CDKL3: variants seen among roughly 807,000 people sequenced by gnomAD.
CDKL3 encodes the protein cyclin dependent kinase like 3, also known as cyclin-dependent kinase-like 3.
Under a neutral mutation model 69.3 loss-of-function variants are expected in CDKL3, and 65 were observed. The observed-to-expected ratio is 0.94, with a 90% CI of 0.77 to 1.15. CDKL3 has a LOEUF of 1.15. Among genes scored for constraint, CDKL3 ranks in the 50% most tolerant of loss-of-function variants. The pLI is 0.00. For synonymous variants in CDKL3, 202 were observed against 221.6 expected (o/e 0.91, Z 0.79); for missense variants, 652 against 689.2 (o/e 0.95, Z 0.61).
intron 3 of CDKL3, among the ~76,000 whole-genome samples, chr5:134,350,814 TAA>T (rs1486575060): frequency 3.9e-5 from 3 of 76,626 alleles, no homozygotes; most frequent in African/African-American, 1.5e-4. Flanking sequence ...ACCCTGTCTC[TAA>T]AAAAAGAAAA....
intron 4 of CDKL3, among the ~76,000 whole-genome samples, chr5:134,328,082 G>A (rs1561566777): frequency 6.6e-6 from 1 of 152,128 alleles, no homozygotes; most frequent in Non-Finnish European, 1.5e-5. Context: ...TATCTAAAAT[G>A]TTCAAGTTCC....
At position 134,289,148 on chromosome 5, in the gene CDKL3, C is replaced by A. The variant is rs1359722682; in HGVS notation, c.*678-2589G>T. 7.6e-5 allele frequency among the ~76,000 whole-genome samples: 8 copies of A among 104,766 alleles called. No individual in the cohort carries two copies. In the East Asian group the frequency reaches 1.3e-3, roughly 17 times the overall value. The allele number at this position is 104,766 out of a possible 152,430, so 68.7% of individuals were successfully genotyped here. On this transcript the variant is annotated intron_variant and NMD_transcript_variant, in intron 8 of 8. Coordinates refer to the CDKL3 transcript ENST00000519312. Reference sequence around the variant, plus strand: ...CTGTAGTTCAGCCTAGACAGCAGAGCAAGACCCTGTCTCATAAAAAAAAAA... The same window carrying A: ...CTGTAGTTCAGCCTAGACAGCAGAGAAAGACCCTGTCTCATAAAAAAAAAA...
At chr5:134,355,013 G>A (rs1024913640) in intron 3 of CDKL3, among the ~76,000 whole-genome samples, 1 of 151,666 alleles carries the variant, frequency 6.6e-6, no homozygotes, top group Admixed American at 6.6e-5. Flanking sequence ...CCAGCACTTT[G>A]GAAAACGGAG....
chr5:134,354,945 C>CAA (rs112013809), intron 3 of CDKL3, among the ~76,000 whole-genome samples: 11 of 122,556 alleles, frequency 9.0e-5, no homozygotes, highest in Non-Finnish European at 1.5e-4. Flanking sequence ...GACTCCGTCT[C>CAA]AAAAAAAAAA....
At chr5:134,332,034 T>C (rs1454522696) in intron 4 of CDKL3, among the ~76,000 whole-genome samples, 2 of 152,220 alleles carry the variant, frequency 1.3e-5, no homozygotes, top group African/African-American at 2.4e-5. Context: ...GATTTGCATT[T>C]CTCTGATGAC....
At position 134,350,327 on chromosome 5, in the gene CDKL3, C is replaced by A; in HGVS notation, c.461G>T (p.Gly154Val). 2.5e-6 allele frequency: 4 copies of A among 1,593,982 alleles called. No individual in the cohort carries two copies. Among genetic ancestry groups the A allele is most frequent in the Non-Finnish European group, 3.4e-6 (4 of 1,169,846 alleles). The stretch of plus-strand genomic sequence containing the variant: ...GGCCACATAGTCCGTATAAATGTCC[C>A]CAGGAGCTGCTAGTGTTCGTGCAAA... The part of the protein sequence containing the change: ...FGFARTLAAP[G>V]DIYTDYVATR... Residue 154 changes from glycine to valine, a missense_variant, in exon 4 of 13, where the codon GGG becomes GTG. Gly to Val is a moderately radical substitution (Grantham distance 109). Transcript: ENST00000265334.
rs1580879763 is a variant in CDKL3, at chr5:134,312,385, G to A, written c.793-5C>T. ...AGGATCAATTTGTAAACAAGCCTAGGAAAGGAAAAAGATTTTAATAAGTGA... is the reference window on the plus strand; with the variant it reads ...AGGATCAATTTGTAAACAAGCCTAGAAAAGGAAAAAGATTTTAATAAGTGA... On this transcript the variant is annotated splice_region_variant and splice_polypyrimidine_tract_variant and intron_variant, in intron 6 of 12. Transcript: ENST00000265334. 6.4e-7 allele frequency: 1 copy of A among 1,556,370 alleles called. No homozygotes were observed.
chr5:134,319,548 T>C (rs1772184911), intron 5 of CDKL3, 51 bp from the exon 6 acceptor site: 2 of 1,401,458 alleles, frequency 1.4e-6, no homozygotes, highest in South Asian at 1.4e-5. Context: ...TAGTCTATAA[T>C]CAAAACAATC....
chr5:134,356,347 C>T (rs1754610357), intron 3 of CDKL3, among the ~76,000 whole-genome samples: 1 of 152,210 alleles, frequency 6.6e-6, no homozygotes, highest in Non-Finnish European at 1.5e-5. Context: ...GCTTTGCCTG[C>T]TCGCCCACCA....
intron 7 of CDKL3, among the ~76,000 whole-genome samples, chr5:134,310,642 C>T (rs192717172): frequency 5.3e-5 from 8 of 152,122 alleles, no homozygotes; most frequent in Admixed American, 1.3e-4. Context: ...CACATGCCCA[C>T]GCCCAGCTAA....
chr5:134,289,163 T>G (rs1178269246), intron 8 of CDKL3, among the ~76,000 whole-genome samples: 1 of 80,318 alleles, frequency 1.2e-5, no homozygotes, highest in Non-Finnish European at 2.7e-5. Flanking sequence ...CCCTGTCTCA[T>G]AAAAAAAAAA....
chr5:134,357,862 T>G (rs1368577308), intron 3 of CDKL3, among the ~76,000 whole-genome samples: 1 of 152,178 alleles, frequency 6.6e-6, no homozygotes, highest in Non-Finnish European at 1.5e-5. Context: ...ACTCATATCT[T>G]CTACTCATGT....
upstream of CDKL3, chr5:134,367,369 T>C: frequency 3.1e-5 from 2 of 63,494 alleles, no homozygotes; most frequent in Non-Finnish European, 3.5e-5. Flanking sequence ...GATCTGCATC[T>C]TTTTTTTTTT....
At chr5:134,348,207 T>G (rs951718075) in intron 4 of CDKL3, among the ~76,000 whole-genome samples, 22 of 152,244 alleles carry the variant, frequency 1.4e-4, no homozygotes, top group East Asian at 5.8e-4. Flanking sequence ...GGCAACATAG[T>G]GAGACCTGTC....
At chr5:134,283,594 CA>C (rs1487167441), downstream of CDKL3, among the ~76,000 whole-genome samples, 1 of 152,158 alleles carries the variant, frequency 6.6e-6, no homozygotes, top group Non-Finnish European at 1.5e-5. Flanking sequence ...TCCCACAACA[CA>C]TGGGAATTCA....
chr5:134,318,428 T>G (rs1290771764), intron 6 of CDKL3, among the ~76,000 whole-genome samples: 7 of 152,040 alleles, frequency 4.6e-5, no homozygotes, highest in Non-Finnish European at 8.8e-5. Flanking sequence ...TGGGCTAAAC[T>G]AAATGTTAAA....
At chr5:134,309,784 A>C (rs1768900694) in intron 7 of CDKL3, among the ~76,000 whole-genome samples, 1 of 152,222 alleles carries the variant, frequency 6.6e-6, no homozygotes, top group Non-Finnish European at 1.5e-5. Flanking sequence ...CAAGAAAAAT[A>C]AACTTCGTCT....
intron 8 of CDKL3, among the ~76,000 whole-genome samples, chr5:134,289,163 TAAAAA>T (rs34873718): frequency 2.5e-5 from 2 of 80,318 alleles, no homozygotes; most frequent in African/African-American, 4.0e-5. Flanking sequence ...CCCTGTCTCA[TAAAAA>T]AAAAAAAAAA....
At chr5:134,325,382 T>G (rs1255827385) in intron 4 of CDKL3, among the ~76,000 whole-genome samples, 2 of 152,224 alleles carry the variant, frequency 1.3e-5, no homozygotes, top group African/African-American at 2.4e-5. Context: ...GATGATATAA[T>G]AGTAACTTAT....
Sources: allele counts gnomAD v4.1 joint callset (sites outside exome capture counted in the v4.1 genomes callset), GRCh38; gene constraint gnomAD v4.1.1; transcripts MANE v1.5; gene names NCBI Gene and HGNC (gene_info 2026-07-23, HGNC 2026-07-21).